Variants in SLC24A4 observed in about 807,000 individuals in gnomAD.
SLC24A4 encodes solute carrier family 24 member 4, also known as sodium/potassium/calcium exchanger 4.
A neutral mutation model predicts 79.0 loss-of-function variants in SLC24A4; 53 were observed. The ratio of observed to expected loss-of-function variants is 0.67; its 90% CI spans 0.54 to 0.84. The LOEUF (loss-of-function observed/expected upper bound fraction) is 0.84, where lower values mean the gene tolerates loss of function less well. Among genes scored for constraint, SLC24A4 ranks in the 40% least tolerant of loss-of-function variants. SLC24A4 has a pLI of 0.00. For synonymous variants in SLC24A4, 323 were observed against 323.8 expected, an observed-to-expected ratio of 1.00 and a Z score of 0.03; for missense variants, 731 against 822.0, an observed-to-expected ratio of 0.89 and a Z score of 1.35.
intron 13 of SLC24A4, chr14:92,484,903 G>GA: frequency 1.0e-6 from 1 of 985,070 alleles, no homozygotes; most frequent in Non-Finnish European, 1.2e-6. Flanking sequence ...TTTGGCCACT[G>GA]AGTAGTGTGA....
chr14:92,425,396 G>T, intron 2 of SLC24A4, among the ~76,000 whole-genome samples: 1 of 152,198 alleles, frequency 6.6e-6, no homozygotes, highest in East Asian at 1.9e-4. Context: ...ACTACAGGGA[G>T]CCTATTTGTT....
At position 92,493,927 on chromosome 14, in the gene SLC24A4, A is replaced by G. The variant is rs768203859; in HGVS notation, c.*299A>G. 1 of 371,656 alleles carries G rather than the reference A, an allele frequency of 2.7e-6. No homozygotes were observed. The highest frequency in any genetic ancestry group is 5.0e-5 in the East Asian group (1 of 20,138). 23.0% of individuals were successfully genotyped at this position (371,656 alleles called of 1,614,324 possible). On this transcript the variant is annotated 3_prime_UTR_variant, in exon 17 of 17. Transcript: ENST00000532405. ...GTGCCAAGCATCTCATCTCTCCTGCACACTTTAGTCAGAAGGACTTCTGCA... is the reference window on the plus strand; with the variant it reads ...GTGCCAAGCATCTCATCTCTCCTGCGCACTTTAGTCAGAAGGACTTCTGCA...
intron 2 of SLC24A4, among the ~76,000 whole-genome samples, chr14:92,330,060 C>T (rs1017444723): frequency 6.6e-6 from 1 of 152,110 alleles, no homozygotes. Flanking sequence ...CAGGCAATTT[C>T]AGAATGAAGT....
rs549723745 is a variant in SLC24A4, at chr14:92,406,230, G to A, written c.242-27682G>A. Reference sequence around the variant, plus strand: ...ACTAATGCAAGGGGTGGGCTCCCATGGCCTTGGGCAGCTCTGTCCCTCTGG... The same window carrying A: ...ACTAATGCAAGGGGTGGGCTCCCATAGCCTTGGGCAGCTCTGTCCCTCTGG... On this transcript the variant is annotated intron_variant, in intron 2 of 16. Transcript: ENST00000532405. Among the ~76,000 whole-genome samples, 123 of 152,354 alleles carry A rather than the reference G, an allele frequency of 8.1e-4. 1 individual carries two copies. The highest frequency in any genetic ancestry group is 2.9e-3 in the African/African-American group (121 of 41,586).
chr14:92,421,390 C>A (rs905326384), intron 2 of SLC24A4, among the ~76,000 whole-genome samples: 15 of 152,148 alleles, frequency 9.9e-5, no homozygotes, highest in African/African-American at 3.6e-4. Context: ...CCCTTCCCTA[C>A]CCCCAGTGGT....
At chr14:92,442,066 G>C in intron 4 of SLC24A4, 23 bp from the exon 5 acceptor site, 1 of 1,603,410 alleles carries the variant, frequency 6.2e-7, no homozygotes. Context: ...CACCCTGAGG[G>C]TCTGTGGTCA....
At chr14:92,453,779 G>A (rs1893290025) in intron 10 of SLC24A4, 121 bp from the exon 11 acceptor site, 1 of 1,106,896 alleles carries the variant, frequency 9.0e-7, no homozygotes, top group Non-Finnish European at 1.2e-6. Context: ...CTTCCCGGTG[G>A]CTGCCAGCTG....
intron 12 of SLC24A4, among the ~76,000 whole-genome samples, chr14:92,458,143 C>G (rs1189634027): frequency 6.6e-6 from 1 of 152,240 alleles, no homozygotes; most frequent in African/African-American, 2.4e-5. Flanking sequence ...ATTCCAGAGC[C>G]TGGAGCAGGG....
At chr14:92,335,688 T>G (rs1885747962) in intron 2 of SLC24A4, among the ~76,000 whole-genome samples, 1 of 152,216 alleles carries the variant, frequency 6.6e-6, no homozygotes, top group Admixed American at 6.5e-5. Flanking sequence ...TTGATAGATG[T>G]GTGATGTCCC....
At chr14:92,416,575 C>T (rs973982673) in intron 2 of SLC24A4, among the ~76,000 whole-genome samples, 1 of 152,078 alleles carries the variant, frequency 6.6e-6, no homozygotes, top group African/African-American at 2.4e-5. Context: ...AAAGAGATGC[C>T]TAAGGAAGGA....
chr14:92,337,845 A>G (rs898837818), intron 2 of SLC24A4, among the ~76,000 whole-genome samples: 6 of 152,172 alleles, frequency 3.9e-5, no homozygotes, highest in African/African-American at 7.2e-5. Flanking sequence ...AGTAAGCACT[A>G]TACAAGTTTT....
At position 92,494,434 on chromosome 14, in the gene SLC24A4, T is replaced by C. The variant is rs1895854655; in HGVS notation, c.*806T>C. 6.6e-6 allele frequency: 1 copy of C among 152,378 alleles called. No individual in the cohort carries two copies. Among genetic ancestry groups the C allele is most frequent in the Non-Finnish European group, 1.5e-5 (1 of 68,034 alleles). The allele number at this position is 152,378 out of a possible 1,614,324, so 9.4% of individuals were successfully genotyped here. Reference sequence around the variant, plus strand: ...CAAATCCTCTGTATGCCATCTTGCATTGGCACTGAGGTGTTTGGTTTGGAA... The same window carrying C: ...CAAATCCTCTGTATGCCATCTTGCACTGGCACTGAGGTGTTTGGTTTGGAA... On this transcript the variant is annotated 3_prime_UTR_variant, in exon 17 of 17. Transcript: ENST00000532405. This position sits in a 1 kb window ranked among gnomAD's most constrained non-coding sequence, Gnocchi z 4.6.
rs1895921249 is a variant in SLC24A4 at position 92,496,377 on chromosome 14, CTTTAT to C, written c.*2756_*2760del. 1 of 152,120 alleles carries C rather than the reference CTTTAT, an allele frequency of 6.6e-6. No individual in the cohort carries two copies. Among genetic ancestry groups the C allele is most frequent in the South Asian group, 2.1e-4 (1 of 4,822 alleles). 9.4% of individuals were successfully genotyped at this position (152,120 alleles called of 1,614,324 possible). ...ACGCTTTCATCACTACGCAGGATTACTTTATTTTATTCCCAAAGCTCATTAGCATG... is the reference window on the plus strand; with the variant it reads ...ACGCTTTCATCACTACGCAGGATTACTTTATTCCCAAAGCTCATTAGCATG... On this transcript the variant is annotated 3_prime_UTR_variant, in exon 17 of 17. Transcript: ENST00000532405.
intron 13 of SLC24A4, chr14:92,484,443 G>C (rs1895246626): frequency 1.0e-6 from 1 of 985,200 alleles, no homozygotes; most frequent in South Asian, 4.7e-5. Flanking sequence ...TACCTGCTTA[G>C]AGCTCTGTAT....
intron 9 of SLC24A4, among the ~76,000 whole-genome samples, chr14:92,448,134 A>G (rs1892907245): frequency 6.6e-6 from 1 of 152,194 alleles, no homozygotes; most frequent in Non-Finnish European, 1.5e-5. Context: ...ATAGAGGTGG[A>G]CCAGAGGTCA....
chr14:92,400,198 T>C (rs1381698321), intron 2 of SLC24A4, among the ~76,000 whole-genome samples: 1 of 152,038 alleles, frequency 6.6e-6, no homozygotes, highest in Non-Finnish European at 1.5e-5. Flanking sequence ...CCCAGCACTT[T>C]GGGAGGCCAA....
intron 2 of SLC24A4, among the ~76,000 whole-genome samples, chr14:92,334,889 G>GTCATCA (rs372925906): frequency 0.031 from 4,615 of 151,198 alleles, 230 homozygotes; most frequent in African/African-American, 0.1. Flanking sequence ...CATCATCATC[G>GTCATCA]TCATCATCAT....
intron 3 of SLC24A4, among the ~76,000 whole-genome samples, chr14:92,435,063 C>T (rs777006671): frequency 8.5e-5 from 13 of 152,144 alleles, no homozygotes; most frequent in Non-Finnish European, 1.8e-4. Context: ...TGTGAGCCAC[C>T]GTCCCCGGCC....
intron 2 of SLC24A4, among the ~76,000 whole-genome samples, chr14:92,344,247 G>C (rs1345527392): frequency 2.0e-5 from 3 of 152,214 alleles, no homozygotes; most frequent in Non-Finnish European, 2.9e-5. Context: ...CATGAGGATG[G>C]TGTGTTCTAG....
Sources: allele counts gnomAD v4.1 joint callset (sites outside exome capture counted in the v4.1 genomes callset), GRCh38; gene constraint gnomAD v4.1.1; non-coding constraint Gnocchi (gnomAD v3.1); transcripts MANE v1.5; gene names NCBI Gene and HGNC (gene_info 2026-07-23, HGNC 2026-07-21).